Variants in PLXDC2 observed in about 807,000 individuals in gnomAD.
The protein encoded by PLXDC2 is plexin domain containing 2, also known as plexin domain-containing protein 2.
A neutral mutation model predicts 68.9 loss-of-function variants in PLXDC2; 40 were observed. That is an observed-to-expected ratio of 0.58 (90% CI 0.45 to 0.76). PLXDC2 has a LOEUF of 0.76. Among genes scored for constraint, PLXDC2 ranks in the 30% least tolerant of loss-of-function variants. The probability of loss-of-function intolerance (pLI) is 0.00; values close to 1 mark genes in which losing one functional copy is unlikely to be tolerated. For missense variants in PLXDC2, 644 were observed against 661.9 expected (o/e 0.97, Z 0.30); for synonymous variants, 243 against 234.2 (o/e 1.04, Z -0.34).
chr10:20,012,088 A>G (rs1328038004), intron 2 of PLXDC2, among the ~76,000 whole-genome samples: 1 of 152,144 alleles, frequency 6.6e-6, no homozygotes, highest in Non-Finnish European at 1.5e-5. Context: ...TGGAAACACT[A>G]TTAGGTAGAC....
intron 1 of PLXDC2, among the ~76,000 whole-genome samples, chr10:19,868,548 G>T (rs1837465316): frequency 6.6e-6 from 1 of 152,026 alleles, no homozygotes; most frequent in African/African-American, 2.4e-5. Flanking sequence ...TATAAAATTA[G>T]CTTGAAAAGA....
At chr10:20,222,998 G>T (rs1237083504) in intron 12 of PLXDC2, among the ~76,000 whole-genome samples, 1 of 152,128 alleles carries the variant, frequency 6.6e-6, no homozygotes, top group African/African-American at 2.4e-5. Flanking sequence ...AAGAAGAGGA[G>T]AAGGGACAGG....
rs539502511 is a variant in PLXDC2, at chr10:20,087,654, T to C, written c.541+19415T>C. On this transcript the variant is annotated intron_variant, in intron 4 of 13. Transcript: ENST00000377252. ...CTTGCTGGCAGTTGGATATACTATC[T>C]CTGATGAAGAGCCACTTGCTAGCAA... 7.9e-5 allele frequency among the ~76,000 whole-genome samples: 12 copies of C among 152,314 alleles called. No individual in the cohort carries two copies. The South Asian group carries it at 2.5e-3, about 32-fold the overall frequency.
At chr10:19,955,029 G>A (rs1188948227) in intron 1 of PLXDC2, among the ~76,000 whole-genome samples, 1 of 150,772 alleles carries the variant, frequency 6.6e-6, no homozygotes, top group African/African-American at 2.4e-5. Context: ...CTCTAGTTGG[G>A]CCTTCCTTGT....
chr10:20,183,772 C>G (rs1246648175), intron 9 of PLXDC2, among the ~76,000 whole-genome samples: 1 of 151,882 alleles, frequency 6.6e-6, no homozygotes, highest in Non-Finnish European at 1.5e-5. Flanking sequence ...TTCTAATTGC[C>G]CATTTTGGCT....
intron 1 of PLXDC2, among the ~76,000 whole-genome samples, chr10:19,882,474 A>C (rs930854408): frequency 6.6e-6 from 1 of 152,208 alleles, no homozygotes; most frequent in African/African-American, 2.4e-5. Context: ...AGTTTGAAAA[A>C]AATCGGGCCA....
intron 1 of PLXDC2, among the ~76,000 whole-genome samples, chr10:19,980,586 T>A (rs1190822014): frequency 2.0e-5 from 3 of 152,198 alleles, no homozygotes; most frequent in Non-Finnish European, 4.4e-5. Flanking sequence ...GGGCCAGACA[T>A]CTATGGAAAT....
intron 1 of PLXDC2, among the ~76,000 whole-genome samples, chr10:19,946,968 G>A (rs1833911858): frequency 6.6e-6 from 1 of 152,104 alleles, no homozygotes; most frequent in South Asian, 2.1e-4. Flanking sequence ...ACAAACCACG[G>A]ACCTATACTT....
intron 2 of PLXDC2, among the ~76,000 whole-genome samples, chr10:20,013,301 T>C (rs1490221480): frequency 6.6e-6 from 1 of 152,216 alleles, no homozygotes; most frequent in Non-Finnish European, 1.5e-5. Flanking sequence ...AAGAAAACTT[T>C]AATTAATATT....
At chr10:19,869,714 T>TC (rs1329357225) in intron 1 of PLXDC2, among the ~76,000 whole-genome samples, 1 of 152,126 alleles carries the variant, frequency 6.6e-6, no homozygotes, top group African/African-American at 2.4e-5. Context: ...TGAAGTGTTT[T>TC]ATTTTTATCT....
intron 7 of PLXDC2, among the ~76,000 whole-genome samples, chr10:20,165,113 A>G (rs776310246): frequency 5.9e-5 from 9 of 152,162 alleles, no homozygotes; most frequent in Non-Finnish European, 1.0e-4. Flanking sequence ...GTGAGCCACC[A>G]TGCCCAGCCA....
intron 10 of PLXDC2, among the ~76,000 whole-genome samples, chr10:20,213,810 G>A (rs115720972): frequency 3.0e-4 from 46 of 152,128 alleles, no homozygotes; most frequent in African/African-American, 1.1e-3. Context: ...TGTTGGTTGG[G>A]TGTCAAGCTT....
chr10:19,820,835 TG>T (rs1302621778), intron 1 of PLXDC2, among the ~76,000 whole-genome samples: 2 of 152,128 alleles, frequency 1.3e-5, no homozygotes, highest in Non-Finnish European at 2.9e-5. Flanking sequence ...CCCAGCACTT[TG>T]GGAGGCCGAG....
chr10:19,919,244 T>C (rs983366556), intron 1 of PLXDC2, among the ~76,000 whole-genome samples: 1 of 152,198 alleles, frequency 6.6e-6, no homozygotes, highest in East Asian at 1.9e-4. Context: ...AGGGTGAAAA[T>C]AAAAATCCAT....
intron 3 of PLXDC2, among the ~76,000 whole-genome samples, chr10:20,047,432 A>G (rs917350870): frequency 6.6e-6 from 1 of 152,132 alleles, no homozygotes; most frequent in Non-Finnish European, 1.5e-5. Flanking sequence ...CAAAGATTTA[A>G]CCGAAGTCAT....
chr10:20,130,950 C>A (rs548120972), intron 4 of PLXDC2, among the ~76,000 whole-genome samples: 23 of 152,156 alleles, frequency 1.5e-4, no homozygotes, highest in Admixed American at 1.5e-3. Context: ...TTTATTGTAA[C>A]GTTTTCGTCT....
At chr10:20,229,884 T>G (rs889716780) in intron 12 of PLXDC2, among the ~76,000 whole-genome samples, 1 of 152,150 alleles carries the variant, frequency 6.6e-6, no homozygotes, top group Non-Finnish European at 1.5e-5. Flanking sequence ...GTGTCAGCCA[T>G]AAGTGATTTT....
At chr10:20,001,495 G>GA (rs1175208639) in intron 1 of PLXDC2, among the ~76,000 whole-genome samples, 4 of 151,948 alleles carry the variant, frequency 2.6e-5, no homozygotes, top group Non-Finnish European at 5.9e-5. Context: ...CAAGGGAAGG[G>GA]AATAAAAATG....
At chr10:20,154,695 A>G (rs1486686871) in intron 6 of PLXDC2, among the ~76,000 whole-genome samples, 1 of 151,898 alleles carries the variant, frequency 6.6e-6, no homozygotes, top group African/African-American at 2.4e-5. Context: ...TCTTATCTCT[A>G]TTCTCTTGAT....
Sources: gnomAD v4.1 joint callset for allele counts (sites outside exome capture counted in the v4.1 genomes callset) on GRCh38, gnomAD v4.1.1 for gene constraint, MANE v1.5 for transcripts, NCBI Gene and HGNC (gene_info 2026-07-23, HGNC 2026-07-21) for gene names.